AIG1: variants seen among roughly 807,000 people sequenced by gnomAD.
AIG1 encodes the protein androgen induced 1, also known as androgen-induced gene 1 protein.
A neutral mutation model predicts 31.4 loss-of-function variants in AIG1; 23 were observed. The ratio of observed to expected loss-of-function variants is 0.73; its 90% confidence interval spans 0.53 to 1.04. The LOEUF is 1.04. Ranked by LOEUF, AIG1 falls within the 50% of genes least tolerant of loss-of-function variation. AIG1 has a pLI of 0.00. For synonymous variants in AIG1, 100 were observed against 110.5 expected, an observed-to-expected ratio of 0.90 and a Z score of 0.60; for missense variants, 274 against 295.0, an observed-to-expected ratio of 0.93 and a Z score of 0.52.
At chr6:143,215,487 G>C (rs939268996) in intron 3 of AIG1, among the ~76,000 whole-genome samples, 2 of 152,174 alleles carry the variant, frequency 1.3e-5, no homozygotes, top group Non-Finnish European at 2.9e-5. Context: ...AAACCACTAA[G>C]TTCTGGCAAA....
chr6:143,107,700 C>A lies in AIG1; in HGVS notation c.142-29135C>A, dbSNP rs73777872. The stretch of plus-strand genomic sequence containing the variant: ...CAGGACAGGAAAGAGGGGAAGAATT[C>A]TAGGTCAGAGGTGGAAGGGACATAT... On this transcript the variant is annotated intron_variant, in intron 1 of 5. Transcript: ENST00000357847. Among the ~76,000 whole-genome samples the A allele has an allele frequency of 2.0e-5, 3 of 152,116 alleles. No homozygotes were observed. The South Asian group carries it at 6.2e-4, about 32-fold the overall frequency.
intron 3 of AIG1, among the ~76,000 whole-genome samples, chr6:143,239,520 C>T (rs1035946546): frequency 5.3e-5 from 8 of 152,222 alleles, no homozygotes; most frequent in African/African-American, 1.9e-4. Flanking sequence ...GGAACAGCAG[C>T]CCCTGAAGAA....
rs200562972 is a variant in AIG1, at chr6:143,330,018, T to TA, written c.516-3256dup. 6.6e-6 allele frequency among the ~76,000 whole-genome samples: 1 copy of TA among 151,968 alleles called. No homozygotes were observed. The highest frequency in any genetic ancestry group is 2.4e-5 in the African/African-American group (1 of 41,376). ...AGATTTTGGAGGTTTTTTTTGAGAT[T>TA]AAAAAAAATTCATAAGTTATTGGCG... On this transcript the variant is annotated intron_variant, in intron 4 of 5. Transcript: ENST00000357847. The surrounding 1 kb of genome is among the most constrained non-coding windows in gnomAD (Gnocchi z 4.4).
At chr6:143,263,596 A>G (rs1442378863) in intron 3 of AIG1, among the ~76,000 whole-genome samples, 1 of 152,214 alleles carries the variant, frequency 6.6e-6, no homozygotes, top group Non-Finnish European at 1.5e-5. Flanking sequence ...AAGATCACTC[A>G]TGGTTCTTCA....
At chr6:143,089,416 C>T (rs56299540) in intron 1 of AIG1, among the ~76,000 whole-genome samples, 19,692 of 151,952 alleles carry the variant, frequency 0.13, 3,803 homozygotes, top group African/African-American at 0.42. Flanking sequence ...TTGGGGTGAG[C>T]TTATTACCTT....
chr6:143,066,516 G>A (rs1297683690), intron 1 of AIG1, among the ~76,000 whole-genome samples: 1 of 152,066 alleles, frequency 6.6e-6, no homozygotes, highest in Non-Finnish European at 1.5e-5. Flanking sequence ...CAAGTGATCT[G>A]TCTGCATTGG....
At chr6:143,155,438 G>A (rs946120638) in intron 2 of AIG1, among the ~76,000 whole-genome samples, 3 of 152,086 alleles carry the variant, frequency 2.0e-5, no homozygotes, top group Non-Finnish European at 4.4e-5. Flanking sequence ...TGAGCTGGGT[G>A]GGATGGTGGG....
intron 3 of AIG1, among the ~76,000 whole-genome samples, chr6:143,174,840 A>G (rs1787983363): frequency 6.6e-6 from 1 of 152,174 alleles, no homozygotes; most frequent in Non-Finnish European, 1.5e-5. Flanking sequence ...CTATTATGCT[A>G]TTCATCATGC....
rs11391392 is a variant in AIG1, at chr6:143,340,459, A to ATT, written c.*792_*793dup. On this transcript the variant is annotated 3_prime_UTR_variant, in exon 6 of 6. Coordinates refer to ENST00000357847, the MANE Select transcript of AIG1 (RefSeq NM_016108.4). ...AATCTTTTTGATAACTCCAAAACAA[A>ATT]TTTTTTTTTTCTTTTTTTCCAGATG... is the stretch of plus-strand genomic sequence containing the variant. Among the ~76,000 whole-genome samples, 11 of 150,922 alleles carry ATT rather than the reference A, an allele frequency of 7.3e-5. No individual in the cohort carries two copies. Among genetic ancestry groups the ATT allele is most frequent in the East Asian group, 3.9e-4 (2 of 5,110 alleles).
chr6:143,277,376 T>G (rs1363786832), intron 3 of AIG1, among the ~76,000 whole-genome samples: 1 of 152,212 alleles, frequency 6.6e-6, no homozygotes, highest in Non-Finnish European at 1.5e-5. Flanking sequence ...GTATCCCATC[T>G]TCGTAGGCAA....
At chr6:143,194,676 G>T (rs545706837) in intron 3 of AIG1, among the ~76,000 whole-genome samples, 1 of 152,256 alleles carries the variant, frequency 6.6e-6, no homozygotes, top group South Asian at 2.1e-4. Flanking sequence ...GTGTTTTTGG[G>T]AGTCCCCCAA....
At position 143,334,033 on chromosome 6, in the gene AIG1, T is replaced by C. The variant is rs889927212; in HGVS notation, c.679+588T>C. The stretch of plus-strand genomic sequence containing the variant: ...TAATATTTCGTGGCTGGAAAAACTC[T>C]TTTAACCTGTGATTTGATTTCTCTT... On this transcript the variant is annotated intron_variant, in intron 5 of 5. Coordinates refer to ENST00000357847, the MANE Select transcript of AIG1 (RefSeq NM_016108.4). This position sits in a 1 kb window ranked among gnomAD's most constrained non-coding sequence, Gnocchi z 5.1. 1 of 1,548,406 alleles carries C rather than the reference T, an allele frequency of 6.5e-7. No individual in the cohort carries two copies.
Position 143,340,906 on chromosome 6 carries a change from G to A in AIG1, c.*1230G>A, listed in dbSNP as rs900907942. The stretch of plus-strand genomic sequence containing the variant: ...CCAATGTTGAGAGAGATCAACAAAT[G>A]ATATAAAACCATTCACTCCAAAATT... On this transcript the variant is annotated 3_prime_UTR_variant, in exon 6 of 6. Coordinates refer to ENST00000357847, the MANE Select transcript of AIG1 (RefSeq NM_016108.4). Among the ~76,000 whole-genome samples the A allele has an allele frequency of 6.6e-6, 1 of 151,406 alleles. No individual in the cohort carries two copies. The highest frequency in any genetic ancestry group is 1.5e-5 in the Non-Finnish European group (1 of 67,902).
At chr6:143,141,486 G>T (rs1160039408) in intron 2 of AIG1, among the ~76,000 whole-genome samples, 1 of 152,180 alleles carries the variant, frequency 6.6e-6, no homozygotes, top group Non-Finnish European at 1.5e-5. Flanking sequence ...ATAATTGGAG[G>T]AAAGTTTTAT....
At chr6:143,336,095 C>G (rs564501438) in intron 5 of AIG1, among the ~76,000 whole-genome samples, 1 of 152,292 alleles carries the variant, frequency 6.6e-6, no homozygotes, top group South Asian at 2.1e-4. Flanking sequence ...AAAAACTACT[C>G]ACTAAAAGCA....
intron 1 of AIG1, among the ~76,000 whole-genome samples, chr6:143,090,691 A>G (rs981289969): frequency 6.6e-6 from 1 of 152,174 alleles, no homozygotes; most frequent in African/African-American, 2.4e-5. Context: ...TATTGCTAAA[A>G]TATCTTAATG....
intron 3 of AIG1, among the ~76,000 whole-genome samples, chr6:143,233,171 G>T (rs1793571350): frequency 6.6e-6 from 1 of 152,154 alleles, no homozygotes; most frequent in South Asian, 2.1e-4. Flanking sequence ...CCAGAAAGGG[G>T]TTGAAGCATG....
intron 1 of AIG1, among the ~76,000 whole-genome samples, chr6:143,099,139 A>G (rs926308141): frequency 1.3e-5 from 2 of 152,212 alleles, no homozygotes; most frequent in East Asian, 1.9e-4. Context: ...TAATAACCAT[A>G]TAATATTTTT....
intron 2 of AIG1, among the ~76,000 whole-genome samples, chr6:143,141,628 C>G (rs1470432489): frequency 6.6e-6 from 1 of 152,188 alleles, no homozygotes; most frequent in Non-Finnish European, 1.5e-5. Flanking sequence ...AAACCACCAC[C>G]ACTCCCAAAG....
Sources: gnomAD v4.1 joint callset for allele counts (sites outside exome capture counted in the v4.1 genomes callset) on GRCh38, gnomAD v4.1.1 for gene constraint, Gnocchi (gnomAD v3.1) non-coding constraint, MANE v1.5 for transcripts, NCBI Gene and HGNC (gene_info 2026-07-23, HGNC 2026-07-21) for gene names.